Variants in PARD3 observed in about 807,000 individuals in gnomAD.
PARD3 encodes par-3 family cell polarity regulator.
In PARD3, 75 loss-of-function variants were observed where a neutral mutation model predicts 155.4. That is an observed-to-expected ratio of 0.48 (90% confidence interval 0.40 to 0.58). The LOEUF (loss-of-function observed/expected upper bound fraction) is 0.58, where lower values mean the gene tolerates loss of function less well. PARD3 is among the 20% of genes least tolerant of loss of function. The pLI is 0.00. For missense variants in PARD3, 1,642 were observed against 1,721.7 expected (o/e 0.95, Z 0.82); for synonymous variants, 576 against 610.5 (o/e 0.94, Z 0.83).
chr10:34,251,616 G>A (rs190415149), intron 22 of PARD3, among the ~76,000 whole-genome samples: 10 of 152,270 alleles, frequency 6.6e-5, no homozygotes, highest in African/African-American at 2.2e-4. Context: ...TCATCTTATG[G>A]TATGGTGTTG....
intron 2 of PARD3, among the ~76,000 whole-genome samples, chr10:34,579,627 C>G (rs960553342): frequency 2.6e-5 from 4 of 151,144 alleles, no homozygotes; most frequent in Non-Finnish European, 4.4e-5. Context: ...GTCTCCCAGG[C>G]TGGAGTGCAG....
Position 34,111,362 on chromosome 10 carries a change from C to T in PARD3, c.3869G>A (p.Arg1290Gln), listed in dbSNP as rs754665239. 3.1e-6 allele frequency: 5 copies of T among 1,613,948 alleles called. No homozygotes were observed. Among genetic ancestry groups the T allele is most frequent in the Non-Finnish European group, 4.2e-6 (5 of 1,179,952 alleles). The change falls in exon 25 of 25, where the codon CGG becomes CAG. Residue 1290 changes from arginine to glutamine, a missense_variant. By Grantham distance (43) the Arg-to-Gln change is conservative. Around this residue, in one of 3 missense-constraint regions of PARD3, gnomAD observed 1,529 missense variants for 1,587.3 expected, o/e 0.96. Coordinates refer to ENST00000374788, the MANE Select transcript of PARD3 (RefSeq NM_001184785.2). The part of the protein sequence containing the change: ...TQELLRQEQR[R>Q]KEQQMKKQPP... ...CTGCTTCTTCATCTGCTGCTCCTTC[C>T]GCCTCTGTTCCTGGCGAAGGAGCTC...
chr10:34,673,673 A>C (rs1413343567), intron 2 of PARD3, among the ~76,000 whole-genome samples: 1 of 152,226 alleles, frequency 6.6e-6, no homozygotes, highest in Non-Finnish European at 1.5e-5. Context: ...TCAACACAAT[A>C]CAAGTATCCA....
At chr10:34,666,225 A>G (rs1207332816) in intron 2 of PARD3, among the ~76,000 whole-genome samples, 2 of 51,958 alleles carry the variant, frequency 3.8e-5, no homozygotes, top group Admixed American at 5.1e-4. Flanking sequence ...ATCAAAAAAA[A>G]AAAAGCCAAT....
chr10:34,517,249 CA>C (rs34928655), intron 2 of PARD3, 90 bp from the exon 3 acceptor site: 18 of 1,132,284 alleles, frequency 1.6e-5, no homozygotes, highest in Admixed American at 5.0e-5. Context: ...TTCTACAGTG[CA>C]AAAATACTGA....
intron 1 of PARD3, among the ~76,000 whole-genome samples, chr10:34,700,373 G>T (rs1322544559): frequency 1.3e-5 from 2 of 152,248 alleles, no homozygotes; most frequent in African/African-American, 4.8e-5. Flanking sequence ...ACTCCAGGAT[G>T]TGGTAAGAGA....
chr10:34,433,937 G>A (rs553635806), intron 5 of PARD3, among the ~76,000 whole-genome samples: 1 of 152,252 alleles, frequency 6.6e-6, no homozygotes, highest in African/African-American at 2.4e-5. Flanking sequence ...AAACTCAGAG[G>A]AACAGATATG....
chr10:34,751,641 T>A (rs1200597799), intron 1 of PARD3, among the ~76,000 whole-genome samples: 1 of 152,170 alleles, frequency 6.6e-6, no homozygotes, highest in Non-Finnish European at 1.5e-5. Context: ...TCTTGCTCTA[T>A]GACCCAGGCT....
intron 5 of PARD3, among the ~76,000 whole-genome samples, chr10:34,403,507 G>T (rs553883682): frequency 6.6e-6 from 1 of 152,290 alleles, no homozygotes; most frequent in East Asian, 1.9e-4. Flanking sequence ...GTAAGAGACG[G>T]CAAAGCAGGC....
At chr10:34,370,807 G>GGTGTGTGTGT (rs3040369) in intron 12 of PARD3, among the ~76,000 whole-genome samples, 20 of 145,670 alleles carry the variant, frequency 1.4e-4, no homozygotes, top group African/African-American at 4.1e-4. Context: ...ATACAAATGG[G>GGTGTGTGTGT]GTGTGTGTGT....
At chr10:34,350,516 T>A (rs1056446906) in intron 14 of PARD3, among the ~76,000 whole-genome samples, 3 of 151,202 alleles carry the variant, frequency 2.0e-5, no homozygotes, top group Non-Finnish European at 4.4e-5. Context: ...CACCTGTAAT[T>A]CCAGCTACTC....
chr10:34,362,037 GGAGGCCGACGCAGGTGGATCAC>G (rs1839493733), intron 12 of PARD3, among the ~76,000 whole-genome samples: 1 of 152,152 alleles, frequency 6.6e-6, no homozygotes, highest in African/African-American at 2.4e-5. Flanking sequence ...CAGCACTTTG[GGAGGCCGACGCAGGTGGATCAC>G]GAGGTCGAAG....
At chr10:34,527,253 A>AAAGACAAG (rs1485180313) in intron 2 of PARD3, among the ~76,000 whole-genome samples, 1 of 152,178 alleles carries the variant, frequency 6.6e-6, no homozygotes, top group Non-Finnish European at 1.5e-5. Context: ...CCTGGCATTT[A>AAAGACAAG]AAGACAAGAT....
intron 1 of PARD3, among the ~76,000 whole-genome samples, chr10:34,770,187 T>C (rs1838684323): frequency 6.6e-6 from 1 of 152,176 alleles, no homozygotes; most frequent in Non-Finnish European, 1.5e-5. Context: ...GCTGTTTCAG[T>C]CACCATGCCC....
chr10:34,183,616 A>G (rs1389555947), intron 22 of PARD3, among the ~76,000 whole-genome samples: 4 of 152,182 alleles, frequency 2.6e-5, no homozygotes, highest in Non-Finnish European at 5.9e-5. Context: ...TGTTCAAAAC[A>G]TCATGGCGTC....
At chr10:34,784,021 A>C (rs1840617740) in intron 1 of PARD3, among the ~76,000 whole-genome samples, 1 of 152,108 alleles carries the variant, frequency 6.6e-6, no homozygotes, top group African/African-American at 2.4e-5. Flanking sequence ...GAGCCTGGGC[A>C]ACATAAAGAG....
intron 3 of PARD3, among the ~76,000 whole-genome samples, chr10:34,511,432 A>G (rs1238303444): frequency 6.6e-6 from 1 of 152,192 alleles, no homozygotes; most frequent in Admixed American, 6.5e-5. Context: ...ACTCTCTCAC[A>G]GTCCCGGAGC....
rs541644689 is a variant in PARD3, at chr10:34,489,571, G to A, written c.404-19308C>T. 2.6e-5 allele frequency among the ~76,000 whole-genome samples: 4 copies of A among 152,260 alleles called. No individual in the cohort carries two copies. The South Asian group carries it at 8.3e-4, about 32-fold the overall frequency. Reference sequence around the variant, plus strand: ...TTAATAAAGCCATTTGGCACCAACTGGTTGCTCCAAGGCAGCAATAAGACT... The same window carrying A: ...TTAATAAAGCCATTTGGCACCAACTAGTTGCTCCAAGGCAGCAATAAGACT... On this transcript the variant is annotated intron_variant, in intron 3 of 24. Transcript: ENST00000374788.
rs909427996 is a variant in PARD3 at position 34,308,364 on chromosome 10, G to C, written c.3065+8743C>G. ...GCCTAAGCCAGGAAGAGGGCACACA[G>C]AGCTTGGACCACTGGGGCACAGTAA... On this transcript the variant is annotated intron_variant, in intron 20 of 24. Coordinates refer to ENST00000374788, the MANE Select transcript of PARD3 (RefSeq NM_001184785.2). 2.0e-5 allele frequency among the ~76,000 whole-genome samples: 3 copies of C among 152,242 alleles called. No homozygotes were observed. The East Asian group carries it at 5.8e-4, about 29-fold the overall frequency.
Sources: gnomAD v4.1 joint callset for allele counts (sites outside exome capture counted in the v4.1 genomes callset) on GRCh38, gnomAD v4.1.1 for gene constraint, gnomAD v4.1.1 regional missense constraint, MANE v1.5 for transcripts, NCBI Gene and HGNC (gene_info 2026-07-23, HGNC 2026-07-21) for gene names.